PTPRN2: variants seen among roughly 807,000 people sequenced by gnomAD.
PTPRN2 encodes the protein protein tyrosine phosphatase receptor type N2.
Under a neutral mutation model 118.8 loss-of-function variants are expected in PTPRN2, and 74 were observed. That is an observed-to-expected ratio of 0.62 (90% CI 0.52 to 0.76). The LOEUF is 0.76. PTPRN2 is among the 30% of genes least tolerant of loss of function. The pLI, the probability that PTPRN2 is intolerant of heterozygous loss-of-function variation, is 0.00. For missense variants in PTPRN2, 1,481 were observed against 1,394.4 expected, an observed-to-expected ratio of 1.06 and a Z score of -0.99; for synonymous variants, 641 against 608.0, an observed-to-expected ratio of 1.05 and a Z score of -0.80.
At chr7:157,906,164 G>A (rs1025733987) in intron 11 of PTPRN2, among the ~76,000 whole-genome samples, 2 of 152,230 alleles carry the variant, frequency 1.3e-5, no homozygotes, top group African/African-American at 2.4e-5. Context: ...CCTTAAAGCG[G>A]AAGTCATTCC....
intron 11 of PTPRN2, among the ~76,000 whole-genome samples, chr7:157,984,048 A>C (rs1176970607): frequency 6.6e-6 from 1 of 152,120 alleles, no homozygotes; most frequent in Non-Finnish European, 1.5e-5. Context: ...GACAGGGTGC[A>C]CTTGCACAGC....
rs1029679199 is a variant in PTPRN2, at chr7:158,417,362, A to C, written c.163+72373T>G. ...GCTTTCAGTGTCCCGCTGTGCTGTC[A>C]TGGTGTACTACATCGAGATGCTGTA... On this transcript the variant is annotated intron_variant, in intron 2 of 22. Transcript: ENST00000389418. Among the ~76,000 whole-genome samples the C allele has an allele frequency of 1.2e-4, 18 of 149,970 alleles. 1 individual carries two copies. The highest frequency in any genetic ancestry group is 4.4e-4 in the African/African-American group (18 of 40,458).
chr7:158,586,449 A>AC (rs1477564833), intron 1 of PTPRN2, among the ~76,000 whole-genome samples: 1 of 150,438 alleles, frequency 6.6e-6, no homozygotes, highest in Non-Finnish European at 1.5e-5. Context: ...ACGGCGAAGG[A>AC]CCCCCCTCCA....
intron 3 of PTPRN2, among the ~76,000 whole-genome samples, chr7:158,257,753 G>T (rs534232105): frequency 1.0e-3 from 153 of 152,352 alleles, no homozygotes; most frequent in African/African-American, 3.7e-3. Context: ...GCCCCACGGC[G>T]CTGACCTGGA....
At chr7:157,696,207 G>A (rs1159604896) in intron 12 of PTPRN2, among the ~76,000 whole-genome samples, 1 of 143,486 alleles carries the variant, frequency 7.0e-6, no homozygotes, top group African/African-American at 2.6e-5. Flanking sequence ...ATGCACACTG[G>A]GTCTTGGCAG....
chr7:158,341,230 T>C (rs1310442882), intron 2 of PTPRN2, among the ~76,000 whole-genome samples: 5 of 150,166 alleles, frequency 3.3e-5, no homozygotes, highest in African/African-American at 1.2e-4. Flanking sequence ...ACACCCACAC[T>C]CTCACCATAA....
At chr7:157,562,905 A>G (rs1436280018) in intron 21 of PTPRN2, among the ~76,000 whole-genome samples, 1 of 132,256 alleles carries the variant, frequency 7.6e-6, no homozygotes, top group African/African-American at 3.0e-5. Context: ...CTCCCGCATC[A>G]CCACACACCA....
At chr7:158,097,430 G>A (rs1011577052) in intron 10 of PTPRN2, among the ~76,000 whole-genome samples, 1 of 152,190 alleles carries the variant, frequency 6.6e-6, no homozygotes, top group Non-Finnish European at 1.5e-5. Flanking sequence ...GAAAGTAAAC[G>A]CTTCTCCCAC....
At chr7:157,972,067 G>A (rs1380392186) in intron 11 of PTPRN2, among the ~76,000 whole-genome samples, 5 of 152,196 alleles carry the variant, frequency 3.3e-5, no homozygotes, top group African/African-American at 1.2e-4. Context: ...CAAATCGTGC[G>A]CTGCCTCATT....
rs899639193 is a variant in PTPRN2, at chr7:157,787,807, C to T, written c.1789-104870G>A. Among the ~76,000 whole-genome samples the T allele has an allele frequency of 2.6e-5, 4 of 152,112 alleles. No homozygotes were observed. Among genetic ancestry groups the T allele is most frequent in the Non-Finnish European group, 4.4e-5 (3 of 68,010 alleles). On this transcript the variant is annotated intron_variant, in intron 12 of 22. Transcript: ENST00000389418. The surrounding 1 kb of genome is among the most constrained non-coding windows in gnomAD (Gnocchi z 5.3). ...ATGGCTGGGGGAGGCACCTGGGGGC[C>T]CCGTCCAAGCTGCCAAGGGCTGGGG...
At chr7:158,151,944 C>G (rs1003310815) in intron 6 of PTPRN2, among the ~76,000 whole-genome samples, 8 of 152,170 alleles carry the variant, frequency 5.3e-5, no homozygotes, top group African/African-American at 1.9e-4. Flanking sequence ...GAGGCCGAGG[C>G]GGGTGGATCA....
At chr7:158,487,224 G>A (rs1821096169) in intron 2 of PTPRN2, among the ~76,000 whole-genome samples, 1 of 152,184 alleles carries the variant, frequency 6.6e-6, no homozygotes, top group South Asian at 2.1e-4. Flanking sequence ...TGCATTAACT[G>A]CTATGAATAT....
chr7:157,654,726 C>A (rs533447414), intron 14 of PTPRN2, among the ~76,000 whole-genome samples: 13 of 152,284 alleles, frequency 8.5e-5, no homozygotes, highest in African/African-American at 3.1e-4. Flanking sequence ...TATGTGAATG[C>A]CAAACACAAT....
intron 6 of PTPRN2, among the ~76,000 whole-genome samples, chr7:158,157,025 G>T (rs1821883812): frequency 1.3e-5 from 2 of 151,760 alleles, no homozygotes; most frequent in Non-Finnish European, 2.9e-5. Flanking sequence ...ATGTGGCTCT[G>T]AAAGGCCTAC....
intron 10 of PTPRN2, among the ~76,000 whole-genome samples, chr7:158,090,155 T>C (rs1246537521): frequency 7.0e-5 from 9 of 128,284 alleles, no homozygotes; most frequent in Admixed American, 1.7e-4. Flanking sequence ...CTTCCACTGA[T>C]GAAAGAGGGA....
chr7:158,173,906 C>T (rs113199780), intron 5 of PTPRN2, among the ~76,000 whole-genome samples: 3,151 of 152,280 alleles, frequency 0.021, 99 homozygotes, highest in African/African-American at 0.072. Flanking sequence ...CCCTGAAGAT[C>T]GCTGTTGTTC....
At chr7:158,089,727 C>A (rs1447354317) in intron 10 of PTPRN2, among the ~76,000 whole-genome samples, 4 of 118,650 alleles carry the variant, frequency 3.4e-5, no homozygotes, top group Non-Finnish European at 5.2e-5. Context: ...CCTCCCCTGA[C>A]AAAAGAGGGG....
At position 157,598,775 on chromosome 7, in the gene PTPRN2, A is replaced by T. The variant is rs1357152785; in HGVS notation, c.2419-3460T>A. Among the ~76,000 whole-genome samples, 1 of 152,198 alleles carries T rather than the reference A, an allele frequency of 6.6e-6. No individual in the cohort carries two copies. The highest frequency in any genetic ancestry group is 1.5e-5 in the Non-Finnish European group (1 of 68,034). ...CAGTGAACCACAGAAGGAAGGAAGGATGCTGCTTCCTCAAGCACAGAGCTG... is the reference window on the plus strand; with the variant it reads ...CAGTGAACCACAGAAGGAAGGAAGGTTGCTGCTTCCTCAAGCACAGAGCTG... On this transcript the variant is annotated intron_variant, in intron 16 of 22. Coordinates refer to ENST00000389418, the MANE Select transcript of PTPRN2 (RefSeq NM_002847.5). This position sits in a 1 kb window ranked among gnomAD's most constrained non-coding sequence, Gnocchi z 5.2.
rs753969310 is a variant in PTPRN2, at chr7:158,205,246, T to TGA, written c.303_304dup (p.Gln102LeufsTer4). On this transcript the variant is annotated frameshift_variant, in exon 4 of 23. Transcript: ENST00000389418. LOFTEE classifies it high-confidence loss of function. ...TGCAAGTTCCTGGTCCATCACATACTGAGTATAGTCATCCTGCCACGTGAA... is the reference window on the plus strand; with the variant it reads ...TGCAAGTTCCTGGTCCATCACATACTGAGAGTATAGTCATCCTGCCACGTGAA... 2 of 1,614,106 alleles carry TGA rather than the reference T, an allele frequency of 1.2e-6. No individual in the cohort carries two copies. Among genetic ancestry groups the TGA allele is most frequent in the Non-Finnish European group, 1.7e-6 (2 of 1,180,022 alleles).
Sources: gnomAD v4.1 joint callset for allele counts (sites outside exome capture counted in the v4.1 genomes callset) on GRCh38, gnomAD v4.1.1 for gene constraint, Gnocchi (gnomAD v3.1) non-coding constraint, MANE v1.5 for transcripts, NCBI Gene and HGNC (gene_info 2026-07-23, HGNC 2026-07-21) for gene names.